The following RBFOX3 variants were observed in gnomAD, a reference collection of about 807,000 sequenced individuals.
RBFOX3 encodes the protein RNA binding protein fox-1 homolog 3.
A neutral mutation model predicts 48.7 loss-of-function variants in RBFOX3; 17 were observed. The ratio of observed to expected loss-of-function variants is 0.35; its 90% CI spans 0.24 to 0.52. RBFOX3 has a LOEUF of 0.52. Among genes scored for constraint, RBFOX3 ranks in the 20% least tolerant of loss-of-function variants. The pLI, the probability that RBFOX3 is intolerant of heterozygous loss-of-function variation, is 0.94. For missense variants in RBFOX3, 382 were observed against 497.5 expected (o/e 0.77, Z 2.21); for synonymous variants, 212 against 209.5 (o/e 1.01, Z -0.10).
At chr17:79,305,593 T>A (rs1600529648) in intron 3 of RBFOX3, among the ~76,000 whole-genome samples, 1 of 152,198 alleles carries the variant, frequency 6.6e-6, no homozygotes. Flanking sequence ...GGAGAAAGAC[T>A]TTGGGGAAGT....
chr17:79,352,848 C>T (rs1450189292), intron 2 of RBFOX3, among the ~76,000 whole-genome samples: 1 of 152,246 alleles, frequency 6.6e-6, no homozygotes, highest in Admixed American at 6.5e-5. Flanking sequence ...ACCCTGTCTG[C>T]ACTGGGAATG....
intron 2 of RBFOX3, among the ~76,000 whole-genome samples, chr17:79,396,798 T>C (rs994137330): frequency 3.3e-5 from 5 of 152,194 alleles, no homozygotes; most frequent in African/African-American, 1.2e-4. Flanking sequence ...TAAAAAGTTG[T>C]CCAGAATTCC....
intron 2 of RBFOX3, among the ~76,000 whole-genome samples, chr17:79,415,770 G>T (rs998985621): frequency 6.6e-6 from 1 of 152,266 alleles, no homozygotes; most frequent in African/African-American, 2.4e-5. Context: ...GGCCCTGGGG[G>T]AGGCAGAGTC....
In RBFOX3 at chr17:79,199,250, C is replaced by G. The variant is rs1430205882; in HGVS notation, c.-34+36516G>C. 2.0e-5 allele frequency among the ~76,000 whole-genome samples: 3 copies of G among 152,192 alleles called. No individual in the cohort carries two copies. Among genetic ancestry groups the G allele is most frequent in the Non-Finnish European group, 2.9e-5 (2 of 68,028 alleles). ...TTTCGAAAAGACCTCCCTAGCCCCC[C>G]ACCCTCGGCAGCACCACCCACCAGC... On this transcript the variant is annotated intron_variant, in intron 4 of 14. Coordinates refer to ENST00000693108, the MANE Select transcript of RBFOX3 (RefSeq NM_001350451.2). The surrounding 1 kb of genome is among the most constrained non-coding windows in gnomAD (Gnocchi z 5.1).
Position 79,471,879 on chromosome 17 carries a change from A to T in RBFOX3, c.-175+10575T>A, listed in dbSNP as rs1446641251. Among the ~76,000 whole-genome samples the T allele has an allele frequency of 6.6e-6, 1 of 152,200 alleles. No homozygotes were observed. Among genetic ancestry groups the T allele is most frequent in the Non-Finnish European group, 1.5e-5 (1 of 68,044 alleles). On this transcript the variant is annotated intron_variant, in intron 2 of 14. Transcript: ENST00000693108. The surrounding 1 kb of genome is among the most constrained non-coding windows in gnomAD (Gnocchi z 4.0). The stretch of plus-strand genomic sequence containing the variant: ...GAGGGAGAACACTTCAAGAGAGGCG[A>T]CTAAATCTCCACCAAGCACATTATA...
chr17:79,318,803 C>T (rs1488690336), intron 2 of RBFOX3, among the ~76,000 whole-genome samples: 5 of 136,020 alleles, frequency 3.7e-5, no homozygotes, highest in Non-Finnish European at 6.0e-5. Context: ...TGCAGTGAGC[C>T]GAGATTGCGC....
At chr17:79,642,698 A>G in the RBFOX3 span, among the ~76,000 whole-genome samples, 1 of 152,216 alleles carries the variant, frequency 6.6e-6, no homozygotes, top group Non-Finnish European at 1.5e-5. Context: ...GAACACTAAA[A>G]CAAACAAAGT....
chr17:79,185,051 G>A (rs2053113980), intron 4 of RBFOX3, among the ~76,000 whole-genome samples: 1 of 152,096 alleles, frequency 6.6e-6, no homozygotes, highest in African/African-American at 2.4e-5. Context: ...ATTTGAACAA[G>A]GCAGGTAGGT....
At chr17:79,637,510 A>G in the RBFOX3 span, among the ~76,000 whole-genome samples, 1 of 151,926 alleles carries the variant, frequency 6.6e-6, no homozygotes, top group Non-Finnish European at 1.5e-5. Context: ...CCTGGCTAAC[A>G]TGGTGAAACC....
At chr17:79,297,736 T>A (rs1042001858) in intron 3 of RBFOX3, among the ~76,000 whole-genome samples, 1 of 151,726 alleles carries the variant, frequency 6.6e-6, no homozygotes, top group African/African-American at 2.4e-5. Context: ...CACTTGGGGG[T>A]GGCCCTCAGG....
intron 2 of RBFOX3, among the ~76,000 whole-genome samples, chr17:79,476,718 T>C (rs2077818308): frequency 6.6e-6 from 1 of 151,766 alleles, no homozygotes; most frequent in Non-Finnish European, 1.5e-5. Flanking sequence ...AACCAGATGA[T>C]AGAGAGGATA....
chr17:79,494,834 CG>C (rs1472860615), intron 1 of RBFOX3, among the ~76,000 whole-genome samples: 1 of 152,194 alleles, frequency 6.6e-6, no homozygotes, highest in Admixed American at 6.5e-5. Context: ...CACCAGCATC[CG>C]GTCCAGGGCC....
intron 4 of RBFOX3, among the ~76,000 whole-genome samples, chr17:79,193,233 G>A (rs2054875662): frequency 6.6e-6 from 1 of 152,206 alleles, no homozygotes; most frequent in Non-Finnish European, 1.5e-5. Context: ...CACAATGTGG[G>A]GAGATTACGC....
chr17:79,146,240 G>C (rs72855088), intron 4 of RBFOX3, among the ~76,000 whole-genome samples: 31,777 of 152,120 alleles, frequency 0.21, 3,583 homozygotes, highest in Middle Eastern at 0.27. Flanking sequence ...TCACAACGTG[G>C]GGTGTCCCTA....
Position 79,362,190 on chromosome 17 carries a change from C to G in RBFOX3, c.-174-54366G>C, listed in dbSNP as rs762342419. Among the ~76,000 whole-genome samples the G allele has an allele frequency of 6.6e-6, 1 of 152,246 alleles. No homozygotes were observed. The highest frequency in any genetic ancestry group is 1.5e-5 in the Non-Finnish European group (1 of 68,046). On this transcript the variant is annotated intron_variant, in intron 2 of 14. Transcript: ENST00000693108. This position sits in a 1 kb window ranked among gnomAD's most constrained non-coding sequence, Gnocchi z 4.2. ...AGCCAACAGAGTTTGCCTCCTGCCT[C>G]ACACCGGGGTCTTTCAGCCTGAGGT...
At chr17:79,289,708 T>C (rs2072841358) in intron 3 of RBFOX3, among the ~76,000 whole-genome samples, 2 of 152,240 alleles carry the variant, frequency 1.3e-5, no homozygotes, top group African/African-American at 2.4e-5. Flanking sequence ...TCCCAGCTCC[T>C]GGCCTCTGGT....
the RBFOX3 span, among the ~76,000 whole-genome samples, chr17:79,620,110 CGCAT>C: frequency 2.2e-5 from 3 of 135,440 alleles, no homozygotes; most frequent in African/African-American, 7.3e-5. Context: ...TGTGCATGCA[CGCAT>C]ATGCACACAT....
chr17:79,141,362 G>C (rs2041882250), intron 4 of RBFOX3, among the ~76,000 whole-genome samples: 1 of 152,236 alleles, frequency 6.6e-6, no homozygotes, highest in African/African-American at 2.4e-5. Flanking sequence ...CCAGAGAGCA[G>C]GGAAGGCTAC....
chr17:79,656,545 C>G, the RBFOX3 span, among the ~76,000 whole-genome samples: 17 of 150,934 alleles, frequency 1.1e-4, no homozygotes, highest in Non-Finnish European at 2.2e-4. Flanking sequence ...ACGTGGGAGG[C>G]GGAGGTTGCA....
Sources: gnomAD v4.1 joint callset for allele counts (sites outside exome capture counted in the v4.1 genomes callset) on GRCh38, gnomAD v4.1.1 for gene constraint, Gnocchi (gnomAD v3.1) non-coding constraint, MANE v1.5 for transcripts, NCBI Gene and HGNC (gene_info 2026-07-23, HGNC 2026-07-21) for gene names.